CCSER1: variants seen among roughly 807,000 people sequenced by gnomAD.
CCSER1 encodes serine-rich coiled-coil domain-containing protein 1.
Under a neutral mutation model 82.0 loss-of-function variants are expected in CCSER1, and 41 were observed. The observed-to-expected ratio is 0.50, with a 90% confidence interval of 0.39 to 0.65. The LOEUF (loss-of-function observed/expected upper bound fraction) is 0.65. Ranked by LOEUF, CCSER1 falls within the 30% of genes least tolerant of loss-of-function variation. The pLI, the probability that CCSER1 is intolerant of heterozygous loss-of-function variation, is 0.00. For missense variants in CCSER1, 1,119 were observed against 1,064.2 expected (o/e 1.05, Z -0.72); for synonymous variants, 414 against 383.9 (o/e 1.08, Z -0.92).
At chr4:90,501,231 A>G (rs1298267844) in intron 5 of CCSER1, among the ~76,000 whole-genome samples, 1 of 152,174 alleles carries the variant, frequency 6.6e-6, no homozygotes, top group Admixed American at 6.6e-5. Context: ...TTTCACTTGA[A>G]AAAGATAAAA....
chr4:91,020,572 G>C (rs550356423), intron 9 of CCSER1, among the ~76,000 whole-genome samples: 1 of 152,168 alleles, frequency 6.6e-6, no homozygotes, highest in South Asian at 2.1e-4. Flanking sequence ...TGAGTCAGGA[G>C]AATGGCGTGA....
intron 6 of CCSER1, among the ~76,000 whole-genome samples, chr4:90,714,481 G>A (rs1580108395): frequency 6.7e-6 from 1 of 150,306 alleles, no homozygotes; most frequent in East Asian, 2.0e-4. Context: ...TGAACTGAGG[G>A]ATATGAAGAT....
At chr4:91,360,641 C>G (rs754243894) in intron 10 of CCSER1, among the ~76,000 whole-genome samples, 5 of 151,716 alleles carry the variant, frequency 3.3e-5, no homozygotes, top group Non-Finnish European at 5.9e-5. Flanking sequence ...AGCTCGAGCT[C>G]AGCCAACAAG....
intron 5 of CCSER1, among the ~76,000 whole-genome samples, chr4:90,572,763 T>C (rs1416004833): frequency 2.0e-5 from 3 of 152,216 alleles, no homozygotes; most frequent in Non-Finnish European, 2.9e-5. Flanking sequence ...CTGGATCCTC[T>C]TGAAGTCCTC....
At chr4:90,733,154 T>C (rs749981879) in intron 7 of CCSER1, among the ~76,000 whole-genome samples, 7 of 152,242 alleles carry the variant, frequency 4.6e-5, no homozygotes, top group Non-Finnish European at 8.8e-5. Flanking sequence ...ACCAACATTG[T>C]ATGAAGGTTC....
intron 5 of CCSER1, among the ~76,000 whole-genome samples, chr4:90,491,723 T>C (rs1164802264): frequency 1.3e-5 from 2 of 152,164 alleles, no homozygotes; most frequent in Admixed American, 1.3e-4. Context: ...GTTTTTAGCA[T>C]GAAGTGTTGT....
At chr4:90,527,470 A>G (rs1029234856) in intron 5 of CCSER1, among the ~76,000 whole-genome samples, 80 of 151,280 alleles carry the variant, frequency 5.3e-4, no homozygotes, top group African/African-American at 1.8e-3. Flanking sequence ...TAACACAAAA[A>G]TATCATCCCA....
chr4:91,143,826 T>G (rs1362700043), intron 10 of CCSER1, among the ~76,000 whole-genome samples: 1 of 152,082 alleles, frequency 6.6e-6, no homozygotes, highest in Non-Finnish European at 1.5e-5. Context: ...GAATAAAGCC[T>G]ACTTGATTGT....
At chr4:91,070,201 G>T (rs1721285948) in intron 9 of CCSER1, among the ~76,000 whole-genome samples, 1 of 152,050 alleles carries the variant, frequency 6.6e-6, no homozygotes, top group Non-Finnish European at 1.5e-5. Flanking sequence ...TGACCAGACT[G>T]TTTAGAACTC....
intron 3 of CCSER1, among the ~76,000 whole-genome samples, chr4:90,328,895 T>C (rs1738726517): frequency 6.6e-6 from 1 of 152,178 alleles, no homozygotes; most frequent in African/African-American, 2.4e-5. Flanking sequence ...ATCTATAAAA[T>C]ACCTTTAGTG....
At position 90,460,324 on chromosome 4, in the gene CCSER1, C is replaced by CAAAAA. The variant is rs751331396; in HGVS notation, c.1604-7893_1604-7889dup. On this transcript the variant is annotated intron_variant, in intron 4 of 10. Transcript: ENST00000509176. The stretch of plus-strand genomic sequence containing the variant: ...TGGGCGACAGAGCGAAACTCCGTCT[C>CAAAAA]AAAAAAAAAAAAAAAAAAAAACTAA... Among the ~76,000 whole-genome samples, 20 of 32,640 alleles carry CAAAAA rather than the reference C, an allele frequency of 6.1e-4. 2 individuals carry two copies. Among genetic ancestry groups the CAAAAA allele is most frequent in the African/African-American group, 2.6e-3 (18 of 6,890 alleles). 21.4% of individuals were successfully genotyped at this position (32,640 alleles called of 152,430 possible). A position where few individuals can be genotyped will look rare whatever the true frequency, so the allele number is the denominator to read the frequency against.
At chr4:90,216,064 T>A (rs1740958209) in intron 1 of CCSER1, among the ~76,000 whole-genome samples, 1 of 152,172 alleles carries the variant, frequency 6.6e-6, no homozygotes, top group Admixed American at 6.5e-5. Context: ...GAGATTTGAA[T>A]AAGTTGGTAG....
intron 7 of CCSER1, among the ~76,000 whole-genome samples, chr4:90,751,506 A>T (rs943428264): frequency 1.4e-4 from 21 of 152,230 alleles, no homozygotes; most frequent in African/African-American, 4.3e-4. Flanking sequence ...AGGGAAAAAA[A>T]GTACACAGAA....
intron 10 of CCSER1, among the ~76,000 whole-genome samples, chr4:91,105,754 A>T (rs1306988488): frequency 6.6e-6 from 1 of 152,134 alleles, no homozygotes; most frequent in African/African-American, 2.4e-5. Context: ...CCTTGTAAAC[A>T]GTTCCCTGTC....
At chr4:90,894,928 T>A (rs1013872828) in intron 8 of CCSER1, among the ~76,000 whole-genome samples, 1 of 152,010 alleles carries the variant, frequency 6.6e-6, no homozygotes, top group Admixed American at 6.6e-5. Context: ...TAGATTAAAA[T>A]AGACTAATTA....
intron 6 of CCSER1, among the ~76,000 whole-genome samples, chr4:90,691,923 C>T (rs1015765426): frequency 1.7e-4 from 25 of 151,424 alleles, no homozygotes; most frequent in Admixed American, 7.3e-4. Context: ...TCAATAGAAA[C>T]ACTTATATTA....
chr4:90,621,479 A>AGC (rs1483437545), intron 5 of CCSER1, among the ~76,000 whole-genome samples: 1 of 142,120 alleles, frequency 7.0e-6, no homozygotes, highest in African/African-American at 2.7e-5. Flanking sequence ...TTTTTTTTTC[A>AGC]TCTTTATAAT....
chr4:91,217,658 A>C (rs950278071), intron 10 of CCSER1, among the ~76,000 whole-genome samples: 5 of 152,214 alleles, frequency 3.3e-5, no homozygotes, highest in African/African-American at 1.2e-4. Flanking sequence ...TGAGTTAAAC[A>C]CAGGGTGCTG....
At chr4:90,838,222 T>A (rs1762057703) in intron 8 of CCSER1, among the ~76,000 whole-genome samples, 1 of 150,662 alleles carries the variant, frequency 6.6e-6, no homozygotes, top group East Asian at 1.9e-4. Context: ...TATGAGTACT[T>A]TTTTTTTAGT....
Sources: gnomAD v4.1 joint callset for allele counts (sites outside exome capture counted in the v4.1 genomes callset) on GRCh38, gnomAD v4.1.1 for gene constraint, MANE v1.5 for transcripts, NCBI Gene and HGNC (gene_info 2026-07-23, HGNC 2026-07-21) for gene names.